Variants in LRP1B observed in about 807,000 individuals in gnomAD.
LRP1B encodes low-density lipoprotein receptor-related protein 1B.
Under a neutral mutation model 556.6 loss-of-function variants are expected in LRP1B, and 217 were observed. That is an observed-to-expected ratio of 0.39 (90% CI 0.35 to 0.44). LRP1B has a LOEUF of 0.44. Ranked by LOEUF, LRP1B falls within the 20% of genes least tolerant of loss-of-function variation. The pLI is 1.00. For missense variants in LRP1B, 5,053 were observed against 5,620.8 expected (o/e 0.90, Z 3.23); for synonymous variants, 2,047 against 1,865.8 (o/e 1.10, Z -2.50).
intron 11 of LRP1B, among the ~76,000 whole-genome samples, chr2:141,044,835 G>A (rs1293110028): frequency 6.6e-6 from 1 of 150,770 alleles, no homozygotes; most frequent in African/African-American, 2.4e-5. Flanking sequence ...CTGTAAACTA[G>A]TTCAACCATT....
At chr2:141,020,699 G>A (rs760764525) in intron 11 of LRP1B, among the ~76,000 whole-genome samples, 27 of 151,906 alleles carry the variant, frequency 1.8e-4, no homozygotes, top group Non-Finnish European at 3.1e-4. Context: ...GACTTACCTT[G>A]CAAAGAATCC....
At chr2:141,715,049 T>C (rs1340569289) in intron 2 of LRP1B, among the ~76,000 whole-genome samples, 2 of 152,184 alleles carry the variant, frequency 1.3e-5, no homozygotes, top group Non-Finnish European at 2.9e-5. Context: ...AGATCAATGA[T>C]ATTGGACTAG....
At chr2:141,157,027 T>C (rs1702084128) in intron 7 of LRP1B, among the ~76,000 whole-genome samples, 1 of 152,158 alleles carries the variant, frequency 6.6e-6, no homozygotes, top group Non-Finnish European at 1.5e-5. Flanking sequence ...AATGGAAAGA[T>C]AGTTATATTA....
In LRP1B at chr2:140,361,341, CATATATATATATATATATATATAT is replaced by C. The variant is rs67208978; in HGVS notation, c.11132-2419_11132-2396del. 8.5e-3 allele frequency among the ~76,000 whole-genome samples: 261 copies of C among 30,732 alleles called. 8 individuals are homozygous for C. The highest frequency in any genetic ancestry group is 0.016 in the African/African-American group (179 of 10,918). The allele number at this position is 30,732 out of a possible 152,430, so 20.2% of individuals were successfully genotyped here. A position where few individuals can be genotyped will look rare whatever the true frequency, so the allele number is the denominator to read the frequency against. ...ATATTTATCAATGCTACTTGGAAAG[CATATATATATATATATATATATAT>C]ATATATATATATATAACAAAAATAA... On this transcript the variant is annotated intron_variant, in intron 72 of 90. Transcript: ENST00000389484.
At chr2:140,747,542 T>C (rs1688358979) in intron 35 of LRP1B, among the ~76,000 whole-genome samples, 1 of 152,102 alleles carries the variant, frequency 6.6e-6, no homozygotes, top group Admixed American at 6.6e-5. Context: ...GGAGAGAACA[T>C]AGATTCCATC....
At chr2:141,155,526 G>T (rs970722547) in intron 7 of LRP1B, among the ~76,000 whole-genome samples, 2 of 150,794 alleles carry the variant, frequency 1.3e-5, no homozygotes, top group African/African-American at 4.9e-5. Flanking sequence ...TGTACAGAAC[G>T]TGCAGGTTTG....
At chr2:141,396,913 G>A (rs1360262103) in intron 3 of LRP1B, among the ~76,000 whole-genome samples, 3 of 151,732 alleles carry the variant, frequency 2.0e-5, no homozygotes, top group Non-Finnish European at 4.4e-5. Context: ...GGGAGTTTGA[G>A]ACCAGCCTGA....
chr2:141,544,370 C>CTT (rs1305828118), intron 2 of LRP1B, among the ~76,000 whole-genome samples: 30 of 112,182 alleles, frequency 2.7e-4, no homozygotes, highest in South Asian at 7.2e-4. Flanking sequence ...TCTTCTTCTT[C>CTT]TTCTTCTTCT....
intron 41 of LRP1B, among the ~76,000 whole-genome samples, chr2:140,672,572 A>G (rs796902569): frequency 5.3e-5 from 8 of 151,716 alleles, no homozygotes; most frequent in African/African-American, 1.9e-4. Flanking sequence ...AAAGCCTGGG[A>G]AAAATTCTCT....
At chr2:140,874,560 A>G (rs760974309) in intron 25 of LRP1B, among the ~76,000 whole-genome samples, 34 of 152,304 alleles carry the variant, frequency 2.2e-4, no homozygotes, top group Non-Finnish European at 3.4e-4. Context: ...GTTTATCAAA[A>G]CAACTCCTAT....
chr2:140,242,597 A>G (rs942791782), intron 87 of LRP1B, among the ~76,000 whole-genome samples: 1 of 151,154 alleles, frequency 6.6e-6, no homozygotes, highest in Non-Finnish European at 1.5e-5. Context: ...TCACTATAGT[A>G]GCATGAATGC....
intron 2 of LRP1B, among the ~76,000 whole-genome samples, chr2:141,795,293 T>TC (rs1174454244): frequency 1.3e-5 from 2 of 152,038 alleles, no homozygotes; most frequent in African/African-American, 4.8e-5. Context: ...TCTCCTAGTC[T>TC]CCATGCTGTC....
Position 141,019,185 on chromosome 2 carries a change from G to T in LRP1B, c.1970+737C>A, listed in dbSNP as rs1479516627. Reference sequence around the variant, plus strand: ...TAATAGCGCTGATTAAAAATCAAAAGAAAACATATTACCAAGAATTGGACA... The same window carrying T: ...TAATAGCGCTGATTAAAAATCAAAATAAAACATATTACCAAGAATTGGACA... On this transcript the variant is annotated intron_variant, in intron 12 of 90. Coordinates refer to ENST00000389484, the MANE Select transcript of LRP1B (RefSeq NM_018557.3). 2.0e-5 allele frequency among the ~76,000 whole-genome samples: 3 copies of T among 152,014 alleles called. No individual in the cohort carries two copies. In the East Asian group the frequency reaches 5.8e-4, roughly 29 times the overall value.
intron 89 of LRP1B, among the ~76,000 whole-genome samples, chr2:140,235,153 T>G (rs925852465): frequency 6.6e-6 from 1 of 151,094 alleles, no homozygotes; most frequent in Non-Finnish European, 1.5e-5. Flanking sequence ...TAAAGAATAG[T>G]CCAAGTAAGA....
chr2:140,735,993 T>C (rs1351886103), intron 35 of LRP1B, among the ~76,000 whole-genome samples: 1 of 152,106 alleles, frequency 6.6e-6, no homozygotes, highest in African/African-American at 2.4e-5. Context: ...TCTCGGTATA[T>C]GGGAATTAAC....
intron 25 of LRP1B, among the ~76,000 whole-genome samples, chr2:140,869,621 A>T (rs1444803659): frequency 6.6e-6 from 1 of 152,124 alleles, no homozygotes; most frequent in Non-Finnish European, 1.5e-5. Flanking sequence ...GGTGGTGGCA[A>T]TAAAGGAGAG....
intron 41 of LRP1B, among the ~76,000 whole-genome samples, chr2:140,678,741 G>T (rs1489118670): frequency 6.7e-6 from 1 of 149,954 alleles, no homozygotes; most frequent in Admixed American, 6.7e-5. Flanking sequence ...GTGTTGGCAA[G>T]TGTGATTTCT....
At chr2:141,460,548 G>A (rs909572959) in intron 3 of LRP1B, among the ~76,000 whole-genome samples, 1 of 152,112 alleles carries the variant, frequency 6.6e-6, no homozygotes, top group African/African-American at 2.4e-5. Context: ...TTTAAATAAA[G>A]TAATGCTATG....
At chr2:141,748,850 C>A (rs1045779920) in intron 2 of LRP1B, among the ~76,000 whole-genome samples, 3 of 152,120 alleles carry the variant, frequency 2.0e-5, no homozygotes, top group African/African-American at 7.2e-5. Flanking sequence ...GAACAAATTG[C>A]TGAAATCACT....
Sources: gnomAD v4.1 joint callset for allele counts (sites outside exome capture counted in the v4.1 genomes callset) on GRCh38, gnomAD v4.1.1 for gene constraint, MANE v1.5 for transcripts, NCBI Gene and HGNC (gene_info 2026-07-23, HGNC 2026-07-21) for gene names.